The following MCCC2 variants were observed in gnomAD, a reference collection of about 807,000 sequenced individuals.
MCCC2 encodes methylcrotonyl-CoA carboxylase subunit 2, also known as methylcrotonoyl-CoA carboxylase beta chain, mitochondrial.
Under a neutral mutation model 77.2 loss-of-function variants are expected in MCCC2, and 52 were observed. That is an observed-to-expected ratio of 0.67 (90% CI 0.54 to 0.85). MCCC2 has a LOEUF of 0.85. Among genes scored for constraint, MCCC2 ranks in the 40% least tolerant of loss-of-function variants. The probability of loss-of-function intolerance (pLI) is 0.00; values close to 1 mark genes in which losing one functional copy is unlikely to be tolerated. For missense variants in MCCC2, 682 were observed against 703.2 expected, an observed-to-expected ratio of 0.97 and a Z score of 0.34; for synonymous variants, 253 against 248.4, an observed-to-expected ratio of 1.02 and a Z score of -0.18.
chr5:71,613,513 G>A (rs1347539952), intron 6 of MCCC2, among the ~76,000 whole-genome samples: 1 of 152,054 alleles, frequency 6.6e-6, no homozygotes, highest in Non-Finnish European at 1.5e-5. Flanking sequence ...AAAAATATTA[G>A]GGCTGGGCGT....
rs1027122469 is a variant in MCCC2 at position 71,611,929 on chromosome 5, C to T, written c.624+7461C>T. On this transcript the variant is annotated intron_variant, in intron 6 of 16. Coordinates refer to ENST00000340941, the MANE Select transcript of MCCC2 (RefSeq NM_022132.5). Reference sequence around the variant, plus strand: ...TCAGCCTCCTGAGTAGCTGGGACTACAGGCGCCCACCACCATGCCCGGCTA... The same window carrying T: ...TCAGCCTCCTGAGTAGCTGGGACTATAGGCGCCCACCACCATGCCCGGCTA... Among the ~76,000 whole-genome samples the T allele has an allele frequency of 4.1e-4, 63 of 152,000 alleles. 1 individual carries two copies. Among genetic ancestry groups the T allele is most frequent in the African/African-American group, 1.3e-3 (54 of 41,464 alleles).
intron 11 of MCCC2, among the ~76,000 whole-genome samples, chr5:71,641,692 A>T (rs187726540): frequency 3.3e-5 from 5 of 152,352 alleles, no homozygotes; most frequent in African/African-American, 9.6e-5. Flanking sequence ...GACCCATAAT[A>T]ATCTATTTGG....
At chr5:71,618,136 G>T (rs1041737416) in intron 6 of MCCC2, among the ~76,000 whole-genome samples, 2 of 152,076 alleles carry the variant, frequency 1.3e-5, no homozygotes, top group African/African-American at 4.8e-5. Context: ...GATGATCTTT[G>T]CAATGTTCTT....
intron 6 of MCCC2, among the ~76,000 whole-genome samples, chr5:71,625,941 G>A (rs277993): frequency 0.34 from 52,046 of 151,954 alleles, 9,324 homozygotes; most frequent in East Asian, 0.52. Context: ...TTCCTTGGTG[G>A]TATCGTTCAA....
chr5:71,587,947 G>A (rs1457256204), intron 1 of MCCC2, among the ~76,000 whole-genome samples: 1 of 152,104 alleles, frequency 6.6e-6, no homozygotes, highest in Non-Finnish European at 1.5e-5. Flanking sequence ...AACGAGGGGC[G>A]CTGTGCTTAG....
rs1417136157 is a variant in MCCC2, at chr5:71,606,148, C to G, written c.624+1680C>G. On this transcript the variant is annotated intron_variant, in intron 6 of 16. Transcript: ENST00000340941. ...TAGCTTGATGGGGATGGCATTGAAT[C>G]TGTAAATTACCTTGGGCAGTATGGC... Among the ~76,000 whole-genome samples, 3 of 151,632 alleles carry G rather than the reference C, an allele frequency of 2.0e-5. No homozygotes were observed. The East Asian group carries it at 5.9e-4, about 30-fold the overall frequency.
intron 10 of MCCC2, chr5:71,636,602 G>C (rs1259676450): frequency 1.3e-5 from 2 of 151,998 alleles, no homozygotes; most frequent in African/African-American, 2.4e-5. Flanking sequence ...TCGGGAGGCC[G>C]AAACAAGAGA....
intron 6 of MCCC2, among the ~76,000 whole-genome samples, chr5:71,606,926 C>T (rs1198399969): frequency 1.3e-5 from 2 of 151,102 alleles, no homozygotes; most frequent in Non-Finnish European, 2.9e-5. Context: ...GGGATGAAGC[C>T]CACTTGATCA....
At chr5:71,614,233 C>A (rs576721446) in intron 6 of MCCC2, among the ~76,000 whole-genome samples, 93 of 152,156 alleles carry the variant, frequency 6.1e-4, no homozygotes, top group African/African-American at 2.2e-3. Flanking sequence ...GATATCTGCA[C>A]TGAAGATGTC....
rs370621296 is a variant in MCCC2 at position 71,614,450 on chromosome 5, G to A, written c.624+9982G>A. Among the ~76,000 whole-genome samples, 10 of 151,726 alleles carry A rather than the reference G, an allele frequency of 6.6e-5. No homozygotes were observed. The South Asian group carries it at 2.1e-3, about 32-fold the overall frequency. On this transcript the variant is annotated intron_variant, in intron 6 of 16. Transcript: ENST00000340941. ...AGGCCAGGAGTTTAAGATCTAACGT[G>A]GCCAGCATAGTGAGACCCCATCTCT...
intron 8 of MCCC2, among the ~76,000 whole-genome samples, chr5:71,634,464 G>A (rs918015666): frequency 1.3e-5 from 2 of 152,198 alleles, no homozygotes; most frequent in Non-Finnish European, 2.9e-5. Context: ...GAAATGAGAG[G>A]CCAGAATTGG....
intron 8 of MCCC2, among the ~76,000 whole-genome samples, chr5:71,633,131 A>ATATTTTTTTTTTT (rs1554137344): frequency 6.4e-5 from 5 of 78,080 alleles, no homozygotes; most frequent in African/African-American, 1.5e-4. Flanking sequence ...ATATATATAT[A>ATATTTTTTTTTTT]TTTTTATTTT....
Position 71,657,027 on chromosome 5 carries a change from C to T in MCCC2, c.*167C>T. 1 of 579,938 alleles carries T rather than the reference C, an allele frequency of 1.7e-6. No homozygotes were observed. The highest frequency in any genetic ancestry group is 3.1e-6 in the Non-Finnish European group (1 of 325,584). The allele number at this position is 579,938 out of a possible 1,614,324, so 35.9% of individuals were successfully genotyped here. ...TCAGTGAGGATATTTATTTAATGAA[C>T]ATCAATTCCTTTTAAATTTTCTTAG... On this transcript the variant is annotated 3_prime_UTR_variant, in exon 17 of 17. Transcript: ENST00000340941.
intron 6 of MCCC2, among the ~76,000 whole-genome samples, chr5:71,609,894 A>G (rs1328519991): frequency 1.3e-5 from 2 of 151,952 alleles, no homozygotes; most frequent in Non-Finnish European, 2.9e-5. Context: ...GTCAGGGGTC[A>G]GGGACCCACT....
intron 8 of MCCC2, among the ~76,000 whole-genome samples, 181 bp downstream of exon 8, chr5:71,632,366 G>A (rs1486451086): frequency 6.6e-6 from 1 of 152,206 alleles, no homozygotes; most frequent in African/African-American, 2.4e-5. Flanking sequence ...TTCCAAGCTA[G>A]AGCATCAGCC....
intron 6 of MCCC2, among the ~76,000 whole-genome samples, chr5:71,622,877 C>T (rs940981890): frequency 2.0e-5 from 3 of 152,254 alleles, no homozygotes; most frequent in Non-Finnish European, 2.9e-5. Flanking sequence ...GAGGCGGAGG[C>T]GGGCGGATCA....
At chr5:71,600,431 AT>A (rs1428754129) in intron 4 of MCCC2, among the ~76,000 whole-genome samples, 1,595 of 146,074 alleles carry the variant, frequency 0.011, 30 homozygotes, top group African/African-American at 0.037. Context: ...CATCATTATA[AT>A]TTTTTTTTTT....
chr5:71,599,833 C>T, intron 4 of MCCC2, 73 bp downstream of exon 4: 1 of 1,167,402 alleles, frequency 8.6e-7, no homozygotes, highest in African/African-American at 1.5e-5. Flanking sequence ...ATCCAGCACT[C>T]ACTTTGCATA....
chr5:71,644,998 TAG>T (rs1283688494), intron 12 of MCCC2, among the ~76,000 whole-genome samples: 3 of 152,154 alleles, frequency 2.0e-5, no homozygotes, highest in Non-Finnish European at 4.4e-5. Context: ...ATGCTATATA[TAG>T]AGAGGTTTTG....
Sources: gnomAD v4.1 joint callset for allele counts (sites outside exome capture counted in the v4.1 genomes callset) on GRCh38, gnomAD v4.1.1 for gene constraint, MANE v1.5 for transcripts, NCBI Gene and HGNC (gene_info 2026-07-23, HGNC 2026-07-21) for gene names.